RAB1A: variants seen among roughly 807,000 people sequenced by gnomAD.
RAB1A encodes RAB1A, member RAS oncogene family.
RAB1A carries 2 observed loss-of-function variants against 26.0 expected under a neutral mutation model. The ratio of observed to expected loss-of-function variants is 0.08; its 90% confidence interval spans 0.03 to 0.24. RAB1A has a LOEUF of 0.24. Among genes scored for constraint, RAB1A ranks in the 10% least tolerant of loss-of-function variants. RAB1A has a pLI of 1.00. For missense variants in RAB1A, 100 were observed against 247.0 expected (o/e 0.40, Z 3.99); for synonymous variants, 84 against 84.9 (o/e 0.99, Z 0.06).
intron 1 of RAB1A, among the ~76,000 whole-genome samples, chr2:65,113,014 GC>G (rs1256834426): frequency 6.6e-6 from 1 of 152,112 alleles, no homozygotes; most frequent in Non-Finnish European, 1.5e-5. Context: ...TTCCAGACCA[GC>G]CTGGGCAACA....
chr2:65,088,318 G>C lies in RAB1A; in HGVS notation c.*175C>G, dbSNP rs913359801. ...TTCTGAAAATGAAGTTAGCTGTCTT[G>C]AGTCAAGGGAATAAAAAAAAAGTCA... On this transcript the variant is annotated 3_prime_UTR_variant, in exon 6 of 6. Transcript: ENST00000409784. The C allele has an allele frequency of 1.8e-6, 1 of 546,430 alleles. No individual in the cohort carries two copies. The highest frequency in any genetic ancestry group is 3.1e-5 in the East Asian group (1 of 32,666). 33.8% of individuals were successfully genotyped at this position (546,430 alleles called of 1,614,324 possible).
At position 65,089,754 on chromosome 2, in the gene RAB1A, G is replaced by C. The variant is rs1669126378; in HGVS notation, c.289-684C>G. Among the ~76,000 whole-genome samples the C allele has an allele frequency of 2.0e-5, 3 of 147,554 alleles. No individual in the cohort carries two copies. The South Asian group carries it at 6.3e-4, about 31-fold the overall frequency. On this transcript the variant is annotated intron_variant, in intron 4 of 5. Transcript: ENST00000409784. ...GTCTTGTTCTGTCATCCAGGCTGGA[G>C]TGCAATGGCGCGATCTCGGCTCACT...
At chr2:65,092,382 A>G (rs1236196924) in intron 3 of RAB1A, among the ~76,000 whole-genome samples, 1 of 152,182 alleles carries the variant, frequency 6.6e-6, no homozygotes, top group East Asian at 1.9e-4. Context: ...GTTCCTGGTT[A>G]TTTAATATTA....
chr2:65,118,539 A>G (rs1669876316), intron 1 of RAB1A, among the ~76,000 whole-genome samples: 1 of 152,114 alleles, frequency 6.6e-6, no homozygotes, highest in Admixed American at 6.6e-5. Context: ...GTGCAGTAGC[A>G]CAATCTCGGC....
At chr2:65,129,869 C>T (rs1573098933) in intron 1 of RAB1A, 24 bp downstream of exon 1, 1 of 1,590,626 alleles carries the variant, frequency 6.3e-7, no homozygotes, top group Non-Finnish European at 8.6e-7. Flanking sequence ...CGGACCCAGC[C>T]GACCGGTGCT....
rs1028920923 is a variant in RAB1A at position 65,105,951 on chromosome 2, C to T, written c.24-1145G>A. ...CTAATTTTTGTATTTTTAGTAGACA[C>T]GGGTTTCACCGTGTTGGCCAGGATG... On this transcript the variant is annotated intron_variant, in intron 1 of 5. Coordinates refer to ENST00000409784, the MANE Select transcript of RAB1A (RefSeq NM_004161.5). 3.3e-5 allele frequency among the ~76,000 whole-genome samples: 5 copies of T among 152,180 alleles called. No homozygotes were observed. The East Asian group carries it at 7.7e-4, about 23-fold the overall frequency.
rs11894284 is a variant in RAB1A at position 65,120,308 on chromosome 2, T to C, written c.23+9585A>G. 6.9e-3 allele frequency among the ~76,000 whole-genome samples: 1,042 copies of C among 151,894 alleles called. 13 individuals are homozygous for C. Among genetic ancestry groups the C allele is most frequent in the African/African-American group, 0.024 (978 of 41,424 alleles). On this transcript the variant is annotated intron_variant, in intron 1 of 5. Transcript: ENST00000409784. ...CCGTCTTTACTATAAATACAAAAAATTAGCTGGGCGTGGTGGCGCAGCCTG... is the reference window on the plus strand; with the variant it reads ...CCGTCTTTACTATAAATACAAAAAACTAGCTGGGCGTGGTGGCGCAGCCTG...
intron 1 of RAB1A, among the ~76,000 whole-genome samples, chr2:65,123,733 GA>G (rs1670027294): frequency 6.6e-6 from 1 of 151,754 alleles, no homozygotes; most frequent in Admixed American, 6.6e-5. Flanking sequence ...GGCTGAGGTG[GA>G]AGAATCACTT....
At chr2:65,097,317 G>A (rs373994865) in intron 3 of RAB1A, among the ~76,000 whole-genome samples, 2 of 152,076 alleles carry the variant, frequency 1.3e-5, no homozygotes, top group Admixed American at 6.6e-5. Context: ...TTAATTGGGG[G>A]CTGGGGGTGT....
intron 1 of RAB1A, among the ~76,000 whole-genome samples, chr2:65,125,210 G>A (rs550905291): frequency 6.6e-6 from 1 of 152,116 alleles, no homozygotes; most frequent in Admixed American, 6.5e-5. Context: ...CTGCATTAAA[G>A]AATTATAGTT....
At position 65,088,460 on chromosome 2, in the gene RAB1A, T is replaced by G. The variant is rs1402114237; in HGVS notation, c.*33A>C. On this transcript the variant is annotated 3_prime_UTR_variant, in exon 6 of 6. Coordinates refer to ENST00000409784, the MANE Select transcript of RAB1A (RefSeq NM_004161.5). ...TTTTCACTTGGGTTCAGATTGCAAA[T>G]TCATTGCTGTGAGAAAAGGATGGAG... 2.7e-5 allele frequency: 42 copies of G among 1,558,634 alleles called. No homozygotes were observed. Among genetic ancestry groups the G allele is most frequent in the Non-Finnish European group, 3.6e-5 (42 of 1,150,998 alleles).
chr2:65,097,053 T>C (rs1669305664), intron 3 of RAB1A, among the ~76,000 whole-genome samples: 1 of 150,770 alleles, frequency 6.6e-6, no homozygotes. Context: ...CTCTAACAGG[T>C]AAATACTAGA....
intron 1 of RAB1A, among the ~76,000 whole-genome samples, chr2:65,114,393 A>G (rs953803377): frequency 2.0e-5 from 3 of 152,236 alleles, no homozygotes; most frequent in African/African-American, 7.2e-5. Context: ...TTATAATATC[A>G]GCTGTAAGTA....
chr2:65,128,158 A>T (rs1670148652), intron 1 of RAB1A, among the ~76,000 whole-genome samples: 1 of 152,142 alleles, frequency 6.6e-6, no homozygotes, highest in African/African-American at 2.4e-5. Context: ...TCTTTTATAT[A>T]CATTTGAATT....
chr2:65,115,782 A>G (rs955464989), intron 1 of RAB1A, among the ~76,000 whole-genome samples: 2 of 152,192 alleles, frequency 1.3e-5, no homozygotes, highest in African/African-American at 4.8e-5. Flanking sequence ...CACTAAAATT[A>G]CATGTTTTTC....
intron 1 of RAB1A, among the ~76,000 whole-genome samples, chr2:65,126,208 G>A (rs939147086): frequency 1.3e-5 from 2 of 151,928 alleles, no homozygotes; most frequent in African/African-American, 4.8e-5. Context: ...CAGCTACTCA[G>A]GAGACCAAGG....
intron 1 of RAB1A, among the ~76,000 whole-genome samples, chr2:65,115,505 T>G (rs1390374212): frequency 6.6e-6 from 1 of 152,184 alleles, no homozygotes. Context: ...AGACAAGAGG[T>G]AAGAACTTTT....
At chr2:65,107,604 C>T (rs73936422) in intron 1 of RAB1A, among the ~76,000 whole-genome samples, 5,859 of 152,202 alleles carry the variant, frequency 0.038, 364 homozygotes, top group African/African-American at 0.13. Flanking sequence ...TCTCAGGCCT[C>T]AGCCTCCTGA....
chr2:65,110,271 C>A (rs964862249), intron 1 of RAB1A, among the ~76,000 whole-genome samples: 1 of 152,014 alleles, frequency 6.6e-6, no homozygotes, highest in Non-Finnish European at 1.5e-5. Context: ...GAAACCCTGT[C>A]TCTACTAAAA....
Sources: gnomAD v4.1 joint callset for allele counts (sites outside exome capture counted in the v4.1 genomes callset) on GRCh38, gnomAD v4.1.1 for gene constraint, MANE v1.5 for transcripts, NCBI Gene and HGNC (gene_info 2026-07-23, HGNC 2026-07-21) for gene names.